Variants in B4GALT2 observed in about 807,000 individuals in gnomAD.
The protein encoded by B4GALT2 is beta-1,4-galactosyltransferase 2, also known as N-acetyllactosamine synthase.
Under a neutral mutation model 33.2 loss-of-function variants are expected in B4GALT2, and 18 were observed. The ratio of observed to expected loss-of-function variants is 0.54; its 90% CI spans 0.38 to 0.80. The LOEUF (loss-of-function observed/expected upper bound fraction) is 0.80. Ranked by LOEUF, B4GALT2 falls within the 30% of genes least tolerant of loss-of-function variation. The probability of loss-of-function intolerance (pLI) is 0.00; values close to 1 mark genes in which losing one functional copy is unlikely to be tolerated. For missense variants in B4GALT2, 404 were observed against 526.2 expected (o/e 0.77, Z 2.27); for synonymous variants, 214 against 217.6 (o/e 0.98, Z 0.15).
Position 43,984,169 on chromosome 1 carries a change from C to T in B4GALT2, c.550-696C>T, listed in dbSNP as rs542086570. 6.6e-6 allele frequency among the ~76,000 whole-genome samples: 1 copy of T among 152,362 alleles called. No homozygotes were observed. Among genetic ancestry groups the T allele is most frequent in the Admixed American group, 6.5e-5 (1 of 15,308 alleles). ...TTGCTGGGCTGTGACTGCCTATAGA[C>T]CCTATGCTTGTCATTTTGTTGGAGA... On this transcript the variant is annotated intron_variant, in intron 3 of 6. Transcript: ENST00000372324. This position sits in a 1 kb window ranked among gnomAD's most constrained non-coding sequence, Gnocchi z 5.6.
At chr1:43,987,427 C>T (rs1329113041) in intron 6 of B4GALT2, among the ~76,000 whole-genome samples, 2 of 152,100 alleles carry the variant, frequency 1.3e-5, no homozygotes, top group Non-Finnish European at 2.9e-5. Context: ...AGCCTGATAC[C>T]AGATTCACAG....
rs534403207 is a variant in B4GALT2, at chr1:43,982,035, C to T, written c.549+111C>T. ...GTGGATGGACCTGGGCGTGGGTAGTCGGTGTTTGTCAGTGTGCACAGGAAT... is the reference window on the plus strand; with the variant it reads ...GTGGATGGACCTGGGCGTGGGTAGTTGGTGTTTGTCAGTGTGCACAGGAAT... On this transcript the variant is annotated intron_variant, in intron 3 of 6. Coordinates refer to ENST00000372324, the MANE Select transcript of B4GALT2 (RefSeq NM_003780.5). The surrounding 1 kb of genome is among the most constrained non-coding windows in gnomAD (Gnocchi z 4.3). The T allele has an allele frequency of 3.5e-5, 38 of 1,075,974 alleles. No individual in the cohort carries two copies. Among genetic ancestry groups the T allele is most frequent in the South Asian group, 3.4e-4 (23 of 67,362 alleles). The allele number at this position is 1,075,974 out of a possible 1,614,324, so 66.7% of individuals were successfully genotyped here. A position where few individuals can be genotyped will look rare whatever the true frequency, so the allele number is the denominator to read the frequency against.
rs968474262 is a variant in B4GALT2 at position 43,981,157 on chromosome 1, C to A, written c.-4C>A. The stretch of plus-strand genomic sequence containing the variant: ...CACTGGGCGGGCCAGTGGCCGCCTG[C>A]GGGATGAGCAGACTGCTGGGGGGGA... On this transcript the variant is annotated 5_prime_UTR_variant, in exon 2 of 7. Transcript: ENST00000372324. The surrounding 1 kb of genome is among the most constrained non-coding windows in gnomAD (Gnocchi z 8.1). 3.8e-6 allele frequency: 6 copies of A among 1,598,342 alleles called. No homozygotes were observed. Among genetic ancestry groups the A allele is most frequent in the Non-Finnish European group, 5.1e-6 (6 of 1,179,352 alleles).
At chr1:43,989,675 AGTGCGCAGCCTCT>A (rs1266001151) in intron 6 of B4GALT2, among the ~76,000 whole-genome samples, 3 of 152,236 alleles carry the variant, frequency 2.0e-5, no homozygotes, top group Admixed American at 2.0e-4. Flanking sequence ...AAAGCACTCA[AGTGCGCAGCCTCT>A]GTAAGCTGGC....
At position 43,981,281 on chromosome 1, in the gene B4GALT2, T is replaced by G. The variant is rs761829356; in HGVS notation, c.121T>G (p.Phe41Val). The part of the protein sequence containing the change: ...YFDVYAQHLA[F>V]FSRFSARGPA... ...TGACGTCTACGCCCAGCACCTGGCC[T>G]TCTTCAGCCGCTTCAGTGCCCGAGG... is the stretch of plus-strand genomic sequence containing the variant. The change falls in exon 2 of 7, where the codon TTC becomes GTC. Residue 41 changes from phenylalanine (F) to valine (V), a missense_variant. By Grantham distance (50) the Phe-to-Val change is conservative. Transcript: ENST00000372324. The surrounding 1 kb of genome is among the most constrained non-coding windows in gnomAD (Gnocchi z 8.1). 1.2e-6 allele frequency: 2 copies of G among 1,606,466 alleles called. No homozygotes were observed. Among genetic ancestry groups the G allele is most frequent in the South Asian group, 2.2e-5 (2 of 91,084 alleles).
intron 4 of B4GALT2, 55 bp from the exon 5 acceptor site, chr1:43,985,223 C>G: frequency 6.3e-7 from 1 of 1,579,348 alleles, no homozygotes; most frequent in Admixed American, 1.7e-5. Flanking sequence ...GTCTCTGGTC[C>G]TTCCCCTGGA....
In B4GALT2 at chr1:43,990,394, C is replaced by A; in HGVS notation, c.1065C>A (p.Phe355Leu). The A allele has an allele frequency of 6.2e-7, 1 of 1,614,172 alleles. No homozygotes were observed. Among genetic ancestry groups the A allele is most frequent in the Non-Finnish European group, 8.5e-7 (1 of 1,180,024 alleles). The change falls in exon 7 of 7, where the codon TTC becomes TTA. Residue 355 changes from phenylalanine to leucine, a missense_variant. By Grantham distance (22) the Phe-to-Leu change is conservative. Transcript: ENST00000372324. ...QVLEVSRQPL[F>L]TNITVDIGRP... The stretch of plus-strand genomic sequence containing the variant: ...TGGAGGTGTCTCGGCAACCACTCTT[C>A]ACCAATATCACAGTGGACATTGGGC...
chr1:43,981,939 G>T lies in B4GALT2; in HGVS notation c.549+15G>T, dbSNP rs1245034200. Reference sequence around the variant, plus strand: ...TCATCAACCAGGTGCCCATGCGGGGGTCCATGTGCCTGTTGGTGTATATAT... The same window carrying T: ...TCATCAACCAGGTGCCCATGCGGGGTTCCATGTGCCTGTTGGTGTATATAT... On this transcript the variant is annotated intron_variant, in intron 3 of 6. Coordinates refer to ENST00000372324, the MANE Select transcript of B4GALT2 (RefSeq NM_003780.5). The surrounding 1 kb of genome is among the most constrained non-coding windows in gnomAD (Gnocchi z 8.1). 2.5e-6 allele frequency: 4 copies of T among 1,611,550 alleles called. No homozygotes were observed. Among genetic ancestry groups the T allele is most frequent in the Non-Finnish European group, 3.4e-6 (4 of 1,178,280 alleles).
chr1:43,986,835 G>A (rs2085664410), intron 6 of B4GALT2, among the ~76,000 whole-genome samples: 1 of 152,350 alleles, frequency 6.6e-6, no homozygotes, highest in South Asian at 2.1e-4. Context: ...CATAGCCGCT[G>A]GGTGGAGCAG....
intron 3 of B4GALT2, among the ~76,000 whole-genome samples, chr1:43,983,121 G>A (rs766576578): frequency 2.0e-5 from 3 of 152,160 alleles, no homozygotes; most frequent in East Asian, 1.9e-4. Context: ...CCTTTCTTGC[G>A]TGTGATGAGT....
At position 43,979,894 on chromosome 1, in the gene B4GALT2, C is replaced by G; in HGVS notation, c.-53+383C>G. ...GGTGCCACGTGTTCAGCCTGCCAGC[C>G]CCGCCCAAACGCACCCCTCAGCCTG... is the stretch of plus-strand genomic sequence containing the variant. On this transcript the variant is annotated intron_variant, in intron 1 of 6. Coordinates refer to ENST00000372324, the MANE Select transcript of B4GALT2 (RefSeq NM_003780.5). The surrounding 1 kb of genome is among the most constrained non-coding windows in gnomAD (Gnocchi z 4.8). The G allele has an allele frequency of 8.2e-7, 1 of 1,220,108 alleles. No individual in the cohort carries two copies. The highest frequency in any genetic ancestry group is 1.1e-6 in the Non-Finnish European group (1 of 881,984). The allele number at this position is 1,220,108 out of a possible 1,614,324, so 75.6% of individuals were successfully genotyped here. A position where few individuals can be genotyped will look rare whatever the true frequency, so the allele number is the denominator to read the frequency against.
Position 43,981,673 on chromosome 1 carries a change from A to G in B4GALT2, c.314-16A>G, listed in dbSNP as rs574208860. ...TCTGGCCAATGCCCTGATTCCTGACACTGTCCTGTCTGCAGTGGGCAGACT... is the reference window on the plus strand; with the variant it reads ...TCTGGCCAATGCCCTGATTCCTGACGCTGTCCTGTCTGCAGTGGGCAGACT... On this transcript the variant is annotated splice_polypyrimidine_tract_variant and intron_variant, in intron 2 of 6. Coordinates refer to ENST00000372324, the MANE Select transcript of B4GALT2 (RefSeq NM_003780.5). This position sits in a 1 kb window ranked among gnomAD's most constrained non-coding sequence, Gnocchi z 8.1. 6.3e-7 allele frequency: 1 copy of G among 1,594,702 alleles called. No homozygotes were observed. The highest frequency in any genetic ancestry group is 1.1e-5 in the South Asian group (1 of 89,062).
Position 43,984,988 on chromosome 1 carries a change from C to T in B4GALT2, c.673C>T (p.Arg225Cys), listed in dbSNP as rs755485424. ...SDVDLVPMDD[R>C]NLYRCGDQPR... Reference sequence around the variant, plus strand: ...TGTGGACCTGGTCCCCATGGATGACCGCAACCTATACCGCTGCGGCGACCA... The same window carrying T: ...TGTGGACCTGGTCCCCATGGATGACTGCAACCTATACCGCTGCGGCGACCA... Residue 225 changes from arginine to cysteine, a missense_variant, in exon 4 of 7, where the codon CGC becomes TGC. By Grantham distance (180) the Arg-to-Cys change is radical. Coordinates refer to ENST00000372324, the MANE Select transcript of B4GALT2 (RefSeq NM_003780.5). The surrounding 1 kb of genome is among the most constrained non-coding windows in gnomAD (Gnocchi z 5.6). 4 of 1,613,726 alleles carry T rather than the reference C, an allele frequency of 2.5e-6. No individual in the cohort carries two copies. The highest frequency in any genetic ancestry group is 1.3e-5 in the African/African-American group (1 of 74,928).
At position 43,981,969 on chromosome 1, in the gene B4GALT2, G is replaced by A. The variant is rs751366863; in HGVS notation, c.549+45G>A. 6.3e-7 allele frequency: 1 copy of A among 1,583,758 alleles called. No individual in the cohort carries two copies. Among genetic ancestry groups the A allele is most frequent in the Non-Finnish European group, 8.6e-7 (1 of 1,157,520 alleles). On this transcript the variant is annotated intron_variant, in intron 3 of 6. Transcript: ENST00000372324. This position sits in a 1 kb window ranked among gnomAD's most constrained non-coding sequence, Gnocchi z 8.1. ...TGTGCCTGTTGGTGTATATATGTGG[G>A]TTGGGGGCGTTTGTGGGTCCTTGTC...
At chr1:43,980,047 G>C in intron 1 of B4GALT2, 1 of 1,514,536 alleles carries the variant, frequency 6.6e-7, no homozygotes, top group Non-Finnish European at 8.8e-7. Flanking sequence ...GGCCTTGTTT[G>C]TGAGTGTGGG....
Position 43,990,475 on chromosome 1 carries a change from C to A in B4GALT2, c.*27C>A. 6.2e-7 allele frequency: 1 copy of A among 1,613,324 alleles called. No individual in the cohort carries two copies. The highest frequency in any genetic ancestry group is 1.1e-5 in the South Asian group (1 of 91,034). Reference sequence around the variant, plus strand: ...ACTAATGGACAGAGGCTCTCGGTGCCGAAGATTGCCTGCCAGAGGACTGAC... The same window carrying A: ...ACTAATGGACAGAGGCTCTCGGTGCAGAAGATTGCCTGCCAGAGGACTGAC... On this transcript the variant is annotated 3_prime_UTR_variant, in exon 7 of 7. Coordinates refer to ENST00000372324, the MANE Select transcript of B4GALT2 (RefSeq NM_003780.5).
intron 5 of B4GALT2, 33 bp downstream of exon 5, chr1:43,985,433 TGGGGGGGGGAG>T (rs762145285): frequency 3.5e-5 from 5 of 143,534 alleles, no homozygotes; most frequent in Non-Finnish European, 5.8e-5. Context: ...ATAGGCTGGG[TGGGGGGGGGAG>T]GGGGGGTGCA....
chr1:43,985,259 C>T lies in B4GALT2; in HGVS notation c.741-19C>T. On this transcript the variant is annotated intron_variant, in intron 4 of 6. Transcript: ENST00000372324. ...GTCCCCTTGGGACCCTTACTGACAC[C>T]TGCCTTCCCATGCCACAGGCTTCCC... 1 of 1,604,210 alleles carries T rather than the reference C, an allele frequency of 6.2e-7. No homozygotes were observed. The highest frequency in any genetic ancestry group is 8.5e-7 in the Non-Finnish European group (1 of 1,174,222).
chr1:43,979,932 A>G lies in B4GALT2; in HGVS notation c.-53+421A>G. The G allele has an allele frequency of 6.7e-7, 1 of 1,503,310 alleles. No individual in the cohort carries two copies. 93.1% of individuals were successfully genotyped at this position (1,503,310 alleles called of 1,614,324 possible). ...ACCCCTCAGCCTGGCCGCCAGCCTGACCCAGAACCCCTGCGCCGGAGGGAG... is the reference window on the plus strand; with the variant it reads ...ACCCCTCAGCCTGGCCGCCAGCCTGGCCCAGAACCCCTGCGCCGGAGGGAG... On this transcript the variant is annotated intron_variant, in intron 1 of 6. Transcript: ENST00000372324. The surrounding 1 kb of genome is among the most constrained non-coding windows in gnomAD (Gnocchi z 4.8).
Sources: allele counts gnomAD v4.1 joint callset (sites outside exome capture counted in the v4.1 genomes callset), GRCh38; gene constraint gnomAD v4.1.1; non-coding constraint Gnocchi (gnomAD v3.1); transcripts MANE v1.5; gene names NCBI Gene and HGNC (gene_info 2026-07-23, HGNC 2026-07-21).